The following ALDH18A1 variants were observed in gnomAD, a reference collection of about 807,000 sequenced individuals.
The protein encoded by ALDH18A1 is aldehyde dehydrogenase 18 family member A1, also known as delta-1-pyrroline-5-carboxylate synthase.
Under a neutral mutation model 88.8 loss-of-function variants are expected in ALDH18A1, and 44 were observed. The ratio of observed to expected loss-of-function variants is 0.50; its 90% CI spans 0.39 to 0.64. ALDH18A1 has a LOEUF of 0.64. Among genes scored for constraint, ALDH18A1 ranks in the 30% least tolerant of loss-of-function variants. ALDH18A1 has a pLI of 0.00. For missense variants in ALDH18A1, 782 were observed against 1,009.5 expected (o/e 0.77, Z 3.05); for synonymous variants, 331 against 372.1 (o/e 0.89, Z 1.27).
intron 2 of ALDH18A1, among the ~76,000 whole-genome samples, chr10:95,647,289 T>G (rs565916592): frequency 1.3e-5 from 2 of 152,328 alleles, no homozygotes; most frequent in South Asian, 4.1e-4. Context: ...AAAGGACAAG[T>G]GTTGGCTCTG....
chr10:95,616,481 T>A lies in ALDH18A1; in HGVS notation c.1601A>T (p.Gln534Leu). ...GGTGCATTCCCAGGGACCTACCAGT[T>A]GCACGGCCTCCTTGACTCCATGGAT... ...LSIHGVKEAV[Q>L]LVNTREEVED... Residue 534 changes from glutamine (Q) to leucine (L), a missense_variant, in exon 13 of 18, where the codon CAA (glutamine) becomes CTA (leucine). By Grantham distance (113) the Gln-to-Leu change is moderately radical (BLOSUM62 -2). Around this residue, in one of 3 missense-constraint regions of ALDH18A1, gnomAD observed 556 missense variants for 654.5 expected, o/e 0.85. Transcript: ENST00000371224. The A allele has an allele frequency of 6.4e-7, 1 of 1,564,362 alleles. No individual in the cohort carries two copies. The highest frequency in any genetic ancestry group is 8.7e-7 in the Non-Finnish European group (1 of 1,153,300).
At chr10:95,630,694 G>C (rs752375727) in intron 7 of ALDH18A1, among the ~76,000 whole-genome samples, 10 of 152,000 alleles carry the variant, frequency 6.6e-5, no homozygotes, top group South Asian at 2.1e-4. Flanking sequence ...CTGGGTGACA[G>C]AGCAAGACTC....
chr10:95,621,044 T>C lies in ALDH18A1; in HGVS notation c.1454A>G (p.Asp485Gly), dbSNP rs568501656. 1.2e-5 allele frequency: 20 copies of C among 1,613,958 alleles called. 1 individual carries two copies. The South Asian group carries it at 1.9e-4, about 15-fold the overall frequency. Reference sequence around the variant, plus strand: ...GTATATACACACCTGGGGTAGACAGTCAGGACGAGATTCAAAGATCACCAG... The same window carrying C: ...GTATATACACACCTGGGGTAGACAGCCAGGACGAGATTCAAAGATCACCAG... ...VLLVIFESRP[D>G]CLPQVAALAI... Residue 485 changes from aspartate to glycine, a missense_variant, in exon 12 of 18, where the codon GAC becomes GGC. Coordinates refer to ENST00000371224, the MANE Select transcript of ALDH18A1 (RefSeq NM_002860.4).
At chr10:95,654,917 C>G (rs1320655260) in intron 1 of ALDH18A1, among the ~76,000 whole-genome samples, 1 of 151,944 alleles carries the variant, frequency 6.6e-6, no homozygotes, top group Admixed American at 6.6e-5. Context: ...CCCTAAGAAA[C>G]CTTCCCCAGC....
intron 2 of ALDH18A1, among the ~76,000 whole-genome samples, chr10:95,651,648 G>C (rs958207498): frequency 6.6e-6 from 1 of 152,058 alleles, no homozygotes; most frequent in Non-Finnish European, 1.5e-5. Flanking sequence ...GAGAGAGTGA[G>C]GGGGTGGTGC....
intron 2 of ALDH18A1, 32 bp from the exon 3 acceptor site, chr10:95,643,238 A>G (rs1327777186): frequency 5.0e-6 from 8 of 1,603,680 alleles, no homozygotes; most frequent in Non-Finnish European, 6.8e-6. Context: ...GCAAGAAAAA[A>G]AGAAATACTC....
rs1413173287 is a variant in ALDH18A1 at position 95,621,224 on chromosome 10, C to T, written c.1274G>A (p.Arg425His). 3.1e-6 allele frequency: 5 copies of T among 1,613,282 alleles called. No homozygotes were observed. The highest frequency in any genetic ancestry group is 4.2e-6 in the Non-Finnish European group (5 of 1,179,778). Residue 425 changes from arginine to histidine, a missense_variant, in exon 12 of 18, where the codon CGT becomes CAT. Physicochemically the swap from Arg to His is conservative, Grantham distance 29. Coordinates refer to ENST00000371224, the MANE Select transcript of ALDH18A1 (RefSeq NM_002860.4). ...CAATTTGGATGTGGAGAGGCTTAAA[C>T]GTTTCAGCAGAGGAGCTGCAAGTCT... is the stretch of plus-strand genomic sequence containing the variant. ...EGRLAAPLLKRLSLSTSKLNS... is the reference protein window; with the variant it reads ...EGRLAAPLLKHLSLSTSKLNS...
At chr10:95,610,167 T>G (rs1388930631) in intron 17 of ALDH18A1, 30 bp downstream of exon 17, 1 of 1,608,842 alleles carries the variant, frequency 6.2e-7, no homozygotes, top group Non-Finnish European at 8.5e-7. Flanking sequence ...CACAAGGAAC[T>G]TCTTTCTTCC....
Position 95,606,582 on chromosome 10 carries a change from G to A in ALDH18A1, c.*180C>T, listed in dbSNP as rs1046937904. The A allele has an allele frequency of 1.3e-6, 2 of 1,530,546 alleles. No homozygotes were observed. Among genetic ancestry groups the A allele is most frequent in the African/African-American group, 2.8e-5 (2 of 72,266 alleles). The allele number at this position is 1,530,546 out of a possible 1,614,324, so 94.8% of individuals were successfully genotyped here. A position where few individuals can be genotyped will look rare whatever the true frequency, so the allele number is the denominator to read the frequency against. ...TTTAAAAAAAAAGGGTGAGCTGGGA[G>A]CCAGACTGTGCACATCAGCCAAGAC... On this transcript the variant is annotated 3_prime_UTR_variant, in exon 18 of 18. Coordinates refer to ENST00000371224, the MANE Select transcript of ALDH18A1 (RefSeq NM_002860.4).
At chr10:95,623,456 G>A (rs1350021046) in intron 11 of ALDH18A1, among the ~76,000 whole-genome samples, 2 of 151,748 alleles carry the variant, frequency 1.3e-5, no homozygotes, top group Non-Finnish European at 2.9e-5. Context: ...CGCTCAGGCT[G>A]GAGTGCAGTA....
Position 95,625,374 on chromosome 10 carries a change from C to G in ALDH18A1, c.1234G>C (p.Glu412Gln), listed in dbSNP as rs2097858841. Reference sequence around the variant, plus strand: ...GCCTGGTCTTTACCCTCTGCCTCCTCCAAGTCTTTTTTGTTGGCTAACAGG... The same window carrying G: ...GCCTGGTCTTTACCCTCTGCCTCCTGCAAGTCTTTTTTGTTGGCTAACAGG... ...EILLANKKDL[E>Q]EAEGRLAAPL... The change falls in exon 11 of 18, where the codon GAG (glutamate) becomes CAG (glutamine). Residue 412 changes from glutamate (E) to glutamine (Q), a missense_variant. Physicochemically the swap from Glu to Gln is conservative, Grantham distance 29 (BLOSUM62 2). Coordinates refer to ENST00000371224, the MANE Select transcript of ALDH18A1 (RefSeq NM_002860.4). The G allele has an allele frequency of 6.2e-7, 1 of 1,614,064 alleles. No individual in the cohort carries two copies.
chr10:95,607,000 T>G, intron 17 of ALDH18A1, 57 bp from the exon 18 acceptor site: 1 of 1,564,524 alleles, frequency 6.4e-7, no homozygotes, highest in African/African-American at 1.4e-5. Context: ...TTCCTGTCCA[T>G]GCCCCAGACC....
Position 95,610,307 on chromosome 10 carries a change from A to G in ALDH18A1, c.2111-15T>C. 6.2e-7 allele frequency: 1 copy of G among 1,612,974 alleles called. No homozygotes were observed. Among genetic ancestry groups the G allele is most frequent in the Non-Finnish European group, 8.5e-7 (1 of 1,179,068 alleles). On this transcript the variant is annotated splice_polypyrimidine_tract_variant and intron_variant, in intron 16 of 17. Coordinates refer to ENST00000371224, the MANE Select transcript of ALDH18A1 (RefSeq NM_002860.4). ...CGCTGTGTTTTCTGCAGGGTGAAGAAGGAGAAACCAAGTTAGGATGATACC... is the reference window on the plus strand; with the variant it reads ...CGCTGTGTTTTCTGCAGGGTGAAGAGGGAGAAACCAAGTTAGGATGATACC...
chr10:95,611,577 T>C, intron 15 of ALDH18A1, 135 bp from the exon 16 acceptor site: 1 of 925,422 alleles, frequency 1.1e-6, no homozygotes, highest in Non-Finnish European at 1.7e-6. Context: ...GAACTAGTCC[T>C]ACTTTCCTCC....
intron 9 of ALDH18A1, among the ~76,000 whole-genome samples, 174 bp downstream of exon 9, chr10:95,627,268 G>A (rs2097861742): frequency 6.6e-6 from 1 of 151,420 alleles, no homozygotes; most frequent in Admixed American, 6.6e-5. Flanking sequence ...AATAGGTCTA[G>A]ATAGGCAGGT....
At chr10:95,654,274 C>T (rs1250794342) in intron 1 of ALDH18A1, among the ~76,000 whole-genome samples, 4 of 151,726 alleles carry the variant, frequency 2.6e-5, no homozygotes, top group African/African-American at 9.7e-5. Flanking sequence ...AAGTGATTCC[C>T]CTGCCTCAGC....
At chr10:95,612,817 CAAAGT>C (rs1409354852) in intron 15 of ALDH18A1, among the ~76,000 whole-genome samples, 1 of 152,176 alleles carries the variant, frequency 6.6e-6, no homozygotes, top group Non-Finnish European at 1.5e-5. Flanking sequence ...GCTTCCTTAC[CAAAGT>C]AAAGTAAGGT....
chr10:95,642,843 A>G, intron 3 of ALDH18A1, 149 bp downstream of exon 3: 1 of 844,512 alleles, frequency 1.2e-6, no homozygotes, highest in South Asian at 1.5e-5. Flanking sequence ...ACTGGCGTCT[A>G]CAGTGGGAAA....
chr10:95,650,167 T>C (rs2097908122), intron 2 of ALDH18A1, among the ~76,000 whole-genome samples: 1 of 152,142 alleles, frequency 6.6e-6, no homozygotes, highest in South Asian at 2.1e-4. Context: ...TACGGGGTTA[T>C]ACAAAGAGTT....
Sources: gnomAD v4.1 joint callset for allele counts (sites outside exome capture counted in the v4.1 genomes callset) on GRCh38, gnomAD v4.1.1 for gene constraint, gnomAD v4.1.1 regional missense constraint, MANE v1.5 for transcripts, NCBI Gene and HGNC (gene_info 2026-07-23, HGNC 2026-07-21) for gene names.